Variants in PACRG observed in about 807,000 individuals in gnomAD.
PACRG encodes the protein parkin coregulated.
PACRG carries 29 observed loss-of-function variants against 29.7 expected under a neutral mutation model. The observed-to-expected ratio is 0.98, with a 90% CI of 0.73 to 1.33. The LOEUF (loss-of-function observed/expected upper bound fraction) is 1.33, where lower values mean the gene tolerates loss of function less well. Ranked by LOEUF, PACRG falls within the 40% of genes most tolerant of loss-of-function variation. PACRG has a pLI of 0.00. For missense variants in PACRG, 279 were observed against 316.2 expected (o/e 0.88, Z 0.89); for synonymous variants, 116 against 118.7 (o/e 0.98, Z 0.15).
At chr6:163,304,533 A>G (rs1445005098) in intron 4 of PACRG, among the ~76,000 whole-genome samples, 1 of 152,188 alleles carries the variant, frequency 6.6e-6, no homozygotes, top group Non-Finnish European at 1.5e-5. Context: ...ACATCTATTA[A>G]GGGTTTTAGA....
intron 4 of PACRG, among the ~76,000 whole-genome samples, chr6:163,207,202 A>G (rs1780939867): frequency 6.6e-6 from 1 of 152,184 alleles, no homozygotes; most frequent in South Asian, 2.1e-4. Context: ...ATCTCTTACT[A>G]AGAAAGCAAG....
chr6:163,167,887 A>G (rs888857983), intron 4 of PACRG, among the ~76,000 whole-genome samples: 2 of 152,192 alleles, frequency 1.3e-5, no homozygotes, highest in Admixed American at 6.5e-5. Flanking sequence ...ACTATTAGAC[A>G]GCACACAAAA....
intron 2 of PACRG, among the ~76,000 whole-genome samples, chr6:162,883,683 ACTG>A (rs1365850561): frequency 9.3e-4 from 81 of 87,024 alleles, no homozygotes; most frequent in Admixed American, 1.2e-3. Context: ...TTTTTCAAAA[ACTG>A]TGTGTGTGTG....
At chr6:163,294,205 T>C (rs1419131385) in intron 4 of PACRG, among the ~76,000 whole-genome samples, 6 of 152,184 alleles carry the variant, frequency 3.9e-5, no homozygotes, top group Admixed American at 3.9e-4. Flanking sequence ...TTAATGAGAA[T>C]TTAATCTCAT....
At chr6:162,924,782 A>G (rs1797311078) in intron 2 of PACRG, among the ~76,000 whole-genome samples, 1 of 152,144 alleles carries the variant, frequency 6.6e-6, no homozygotes. Context: ...AACAAATCCA[A>G]AAGCTAGCAG....
intron 4 of PACRG, among the ~76,000 whole-genome samples, chr6:163,196,929 AGAT>A (rs935790269): frequency 5.9e-4 from 19 of 32,110 alleles, no homozygotes; most frequent in Non-Finnish European, 9.7e-4. Flanking sequence ...CTAGACAGAT[AGAT>A]AGATAGATAG....
At chr6:162,803,865 C>T in intron 1 of PACRG, among the ~76,000 whole-genome samples, 1 of 152,076 alleles carries the variant, frequency 6.6e-6, no homozygotes, top group Non-Finnish European at 1.5e-5. Context: ...CTCATTATCT[C>T]ACTTTGGAGA....
chr6:162,860,879 T>G (rs527916561), intron 2 of PACRG, among the ~76,000 whole-genome samples: 1 of 152,320 alleles, frequency 6.6e-6, no homozygotes, highest in Non-Finnish European at 1.5e-5. Flanking sequence ...TTTAAAAACC[T>G]GATGAATTTA....
Position 163,093,142 on chromosome 6 carries a change from C to A in PACRG, c.613+3734C>A, listed in dbSNP as rs116755933. 6.7e-3 allele frequency among the ~76,000 whole-genome samples: 1,028 copies of A among 152,304 alleles called. 11 individuals carry two copies. The highest frequency in any genetic ancestry group is 0.024 in the African/African-American group (983 of 41,552). On this transcript the variant is annotated intron_variant, in intron 4 of 4. Transcript: ENST00000366888. ...ATAATCTCTCAGCTTGAATATGTGA[C>A]TGGAGTTTAGGGAGCATCGTATTTA...
intron 4 of PACRG, among the ~76,000 whole-genome samples, chr6:163,305,432 C>T (rs1215281808): frequency 1.3e-5 from 2 of 152,200 alleles, no homozygotes; most frequent in Non-Finnish European, 2.9e-5. Context: ...TACCAGGCGT[C>T]CGTCCACTAA....
Position 162,971,400 on chromosome 6 carries a change from C to A in PACRG, c.292-90750C>A, listed in dbSNP as rs573038939. ...ACTGATCAAATGTGTCAGCCTCTTACAACCACAGCGGCATTATGAAGATCT... is the reference window on the plus strand; with the variant it reads ...ACTGATCAAATGTGTCAGCCTCTTAAAACCACAGCGGCATTATGAAGATCT... On this transcript the variant is annotated intron_variant, in intron 2 of 4. Coordinates refer to ENST00000366888, the MANE Select transcript of PACRG (RefSeq NM_001080379.2). Among the ~76,000 whole-genome samples, 15 of 152,318 alleles carry A rather than the reference C, an allele frequency of 9.8e-5. No individual in the cohort carries two copies. The South Asian group carries it at 1.7e-3, about 17-fold the overall frequency.
At chr6:162,789,777 T>G (rs184967175) in intron 1 of PACRG, among the ~76,000 whole-genome samples, 1,896 of 152,288 alleles carry the variant, frequency 0.012, 35 homozygotes, top group African/African-American at 0.043. Flanking sequence ...ATGATTGCCC[T>G]CTAAATAACC....
chr6:162,795,451 T>G (rs1187110808), intron 1 of PACRG, among the ~76,000 whole-genome samples: 1 of 152,166 alleles, frequency 6.6e-6, no homozygotes, highest in Non-Finnish European at 1.5e-5. Context: ...TGATTTGAGG[T>G]CTAACTTTGT....
intron 3 of PACRG, among the ~76,000 whole-genome samples, chr6:163,074,196 T>TA (rs35914278): frequency 4.0e-5 from 6 of 151,736 alleles, no homozygotes; most frequent in Non-Finnish European, 8.8e-5. Context: ...GATGAATGGA[T>TA]AAAAAAAATA....
At chr6:163,155,383 G>A (rs893928514) in intron 4 of PACRG, among the ~76,000 whole-genome samples, 3 of 152,200 alleles carry the variant, frequency 2.0e-5, no homozygotes, top group African/African-American at 4.8e-5. Flanking sequence ...TTTGAGCTTC[G>A]CTTTGAAGAA....
At chr6:162,816,010 A>G (rs537579977) in intron 2 of PACRG, among the ~76,000 whole-genome samples, 12 of 152,278 alleles carry the variant, frequency 7.9e-5, no homozygotes, top group African/African-American at 2.9e-4. Flanking sequence ...TTAGAAGTGT[A>G]GAGACTAGAA....
intron 1 of PACRG, among the ~76,000 whole-genome samples, chr6:162,747,493 T>TATATA (rs71008109): frequency 4.7e-5 from 6 of 127,604 alleles, no homozygotes; most frequent in African/African-American, 1.8e-4. Flanking sequence ...TATATATATA[T>TATATA]TCCATTAGTT....
At position 162,967,295 on chromosome 6, in the gene PACRG, C is replaced by T. The variant is rs943198445; in HGVS notation, c.292-94855C>T. ...TATCAAATGTGTCTGGTCTGTGATA[C>T]GTCAGATTTCTGAATTCTTACACTT... On this transcript the variant is annotated intron_variant, in intron 2 of 4. Transcript: ENST00000366888. Among the ~76,000 whole-genome samples, 10 of 151,532 alleles carry T rather than the reference C, an allele frequency of 6.6e-5. No homozygotes were observed. The East Asian group carries it at 1.5e-3, about 23-fold the overall frequency.
intron 2 of PACRG, among the ~76,000 whole-genome samples, chr6:163,014,370 C>G (rs1805889454): frequency 6.6e-6 from 1 of 152,026 alleles, no homozygotes; most frequent in Admixed American, 6.6e-5. Flanking sequence ...GGATATGTGC[C>G]CATTAATGGG....
Sources: allele counts gnomAD v4.1 joint callset (sites outside exome capture counted in the v4.1 genomes callset), GRCh38; gene constraint gnomAD v4.1.1; transcripts MANE v1.5; gene names NCBI Gene and HGNC (gene_info 2026-07-23, HGNC 2026-07-21).